OR10J1: variants seen among roughly 807,000 people sequenced by gnomAD.
OR10J1 encodes olfactory receptor 10J1.
For synonymous variants in OR10J1, 202 were observed against 143.8 expected (o/e 1.40, Z -2.89); for missense variants, 474 against 376.6 (o/e 1.26, Z -2.14).
the OR10J1 span, among the ~76,000 whole-genome samples, chr1:159,412,988 C>T: frequency 6.6e-6 from 1 of 151,770 alleles, no homozygotes; most frequent in Admixed American, 6.6e-5. Context: ...AACAAATTTA[C>T]AAGAAAAAAA....
chr1:159,413,195 G>T, the OR10J1 span, among the ~76,000 whole-genome samples: 1 of 152,110 alleles, frequency 6.6e-6, no homozygotes, highest in Admixed American at 6.5e-5. Context: ...AACAACAGGT[G>T]CTGGAGAGGA....
At chr1:159,412,689 A>C in the OR10J1 span, among the ~76,000 whole-genome samples, 5 of 152,044 alleles carry the variant, frequency 3.3e-5, no homozygotes, top group African/African-American at 1.2e-4. Flanking sequence ...AATTAATTCA[A>C]GATGGATTAA....
the OR10J1 span, among the ~76,000 whole-genome samples, chr1:159,412,896 A>T: frequency 3.3e-5 from 5 of 151,964 alleles, no homozygotes; most frequent in African/African-American, 1.2e-4. Context: ...CAGAGTGAAC[A>T]GGCAACCTAC....
At chr1:159,416,235 A>G in the OR10J1 span, among the ~76,000 whole-genome samples, 1 of 152,012 alleles carries the variant, frequency 6.6e-6, no homozygotes, top group Non-Finnish European at 1.5e-5. Flanking sequence ...AGAACGGTGA[A>G]AGGGAGAATC....
At chr1:159,422,812 G>A in the OR10J1 span, among the ~76,000 whole-genome samples, 2 of 152,062 alleles carry the variant, frequency 1.3e-5, no homozygotes, top group African/African-American at 4.8e-5. Context: ...GGAGTCTTGG[G>A]TGAAAATGAG....
chr1:159,440,326 G>A lies in OR10J1; in HGVS notation c.535G>A (p.Asp179Asn). ...CARKVPHFFC[D>N]IRPVMKLSCI... ...TAGAAAGGTGCCCCACTTCTTCTGTGACATCCGCCCTGTGATGAAGCTCTC... is the reference window on the plus strand; with the variant it reads ...TAGAAAGGTGCCCCACTTCTTCTGTAACATCCGCCCTGTGATGAAGCTCTC... The change falls in exon 1 of 1, where the codon GAC (aspartate) becomes AAC (asparagine). Residue 179 changes from aspartate (D) to asparagine (N), a missense_variant. By Grantham distance (23) the Asp-to-Asn change is conservative (BLOSUM62 1). Transcript: ENST00000423932. 6.2e-7 allele frequency: 1 copy of A among 1,614,142 alleles called. No individual in the cohort carries two copies. Among genetic ancestry groups the A allele is most frequent in the African/African-American group, 1.3e-5 (1 of 75,044 alleles).
At chr1:159,407,782 T>C in the OR10J1 span, among the ~76,000 whole-genome samples, 1 of 152,160 alleles carries the variant, frequency 6.6e-6, no homozygotes, top group Non-Finnish European at 1.5e-5. Flanking sequence ...CAAATATTTC[T>C]TATTCCCATA....
At position 159,440,673 on chromosome 1, in the gene OR10J1, A is replaced by C; in HGVS notation, c.882A>C (p.Lys294Asn). The change falls in exon 1 of 1, where the codon AAA (lysine) becomes AAC (asparagine). Residue 294 changes from lysine (K) to asparagine (N), a missense_variant. Coordinates refer to ENST00000423932, the MANE Select transcript of OR10J1 (RefSeq NM_012351.3). ...CTGTGGTATACACCCTGAGAAATAA[A>C]GAGGTCAAAGATGCTCTGTGCAGGG... Reference protein sequence around the residue: ...LNPVVYTLRNKEVKDALCRAV... With the variant: ...LNPVVYTLRNNEVKDALCRAV... 6.2e-7 allele frequency: 1 copy of C among 1,614,012 alleles called. No individual in the cohort carries two copies. Among genetic ancestry groups the C allele is most frequent in the Non-Finnish European group, 8.5e-7 (1 of 1,179,964 alleles).
At chr1:159,435,708 G>A (rs1177329520), upstream of OR10J1, among the ~76,000 whole-genome samples, 1 of 152,084 alleles carries the variant, frequency 6.6e-6, no homozygotes, top group Non-Finnish European at 1.5e-5. Flanking sequence ...CAATTCCAAA[G>A]CCTTCTTAAG....
the OR10J1 span, among the ~76,000 whole-genome samples, chr1:159,417,275 T>C: frequency 2.6e-5 from 4 of 152,216 alleles, no homozygotes; most frequent in Non-Finnish European, 5.9e-5. Flanking sequence ...TTTTATTTCT[T>C]TCAATAAATC....
upstream of OR10J1, among the ~76,000 whole-genome samples, chr1:159,435,503 A>G (rs1655711488): frequency 6.6e-6 from 1 of 152,246 alleles, no homozygotes; most frequent in Non-Finnish European, 1.5e-5. Context: ...AACTATTATT[A>G]TCCAAATATT....
chr1:159,401,417 G>A, the OR10J1 span, among the ~76,000 whole-genome samples: 3 of 151,842 alleles, frequency 2.0e-5, no homozygotes, highest in Non-Finnish European at 2.9e-5. Flanking sequence ...GAAGAAGGTG[G>A]CATTGCAACT....
chr1:159,416,166 T>C, the OR10J1 span, among the ~76,000 whole-genome samples: 1 of 151,998 alleles, frequency 6.6e-6, no homozygotes, highest in Admixed American at 6.6e-5. Flanking sequence ...CCAGTTTGAG[T>C]ATCTTAGTTT....
the OR10J1 span, chr1:159,432,811 C>T: frequency 2.5e-6 from 1 of 404,074 alleles, no homozygotes; most frequent in African/African-American, 2.1e-5. Context: ...CTTTGCTCAT[C>T]AGTCTCTGTG....
At chr1:159,428,411 G>A in the OR10J1 span, among the ~76,000 whole-genome samples, 1 of 152,020 alleles carries the variant, frequency 6.6e-6, no homozygotes, top group Middle Eastern at 3.2e-3. Flanking sequence ...CACAATTTCA[G>A]TATCGGGTTT....
chr1:159,431,158 G>A, the OR10J1 span, among the ~76,000 whole-genome samples: 1 of 152,180 alleles, frequency 6.6e-6, no homozygotes, highest in African/African-American at 2.4e-5. Context: ...AAGAAAGCAG[G>A]ACTGAAAAGA....
In OR10J1 at chr1:159,440,703, T is replaced by A. The variant is rs1243321033; in HGVS notation, c.912T>A (p.Val304=). The A allele has an allele frequency of 6.2e-7, 1 of 1,610,324 alleles. No individual in the cohort carries two copies. Among genetic ancestry groups the A allele is most frequent in the Admixed American group, 1.7e-5 (1 of 59,928 alleles). ...TCAAAGATGCTCTGTGCAGGGCTGT[T>A]GGTGGGAAGTTTTCCTGACCATGTA... ...KEVKDALCRA[V]GGKFS The change falls in exon 1 of 1, where the codon GTT becomes GTA. Residue 304 remains valine, a synonymous_variant. Transcript: ENST00000423932.
the OR10J1 span, among the ~76,000 whole-genome samples, chr1:159,411,080 C>T: frequency 1.6e-3 from 250 of 152,220 alleles, 1 homozygote; most frequent in Admixed American, 9.0e-3. Flanking sequence ...GTTATAATTT[C>T]TGTTCTTCTA....
chr1:159,399,164 T>C, the OR10J1 span, among the ~76,000 whole-genome samples: 1 of 151,114 alleles, frequency 6.6e-6, no homozygotes, highest in Non-Finnish European at 1.5e-5. Context: ...AAAAAAAAAC[T>C]GTTAAGTCTA....
Sources: allele counts gnomAD v4.1 joint callset (sites outside exome capture counted in the v4.1 genomes callset), GRCh38; gene constraint gnomAD v4.1.1; transcripts MANE v1.5; gene names NCBI Gene and HGNC (gene_info 2026-07-23, HGNC 2026-07-21).